BAHD1: variants seen among roughly 807,000 people sequenced by gnomAD.
BAHD1 encodes bromo adjacent homology domain-containing 1 protein.
BAHD1 carries 20 observed loss-of-function variants against 63.1 expected under a neutral mutation model. The ratio of observed to expected loss-of-function variants is 0.32; its 90% CI spans 0.22 to 0.46. BAHD1 has a LOEUF of 0.46. BAHD1 is among the 20% of genes least tolerant of loss of function. The pLI is 1.00. For synonymous variants in BAHD1, 408 were observed against 426.8 expected (o/e 0.96, Z 0.54); for missense variants, 939 against 1,071.8 (o/e 0.88, Z 1.73).
At chr15:40,437,768 G>C (rs1893304764), upstream of BAHD1, among the ~76,000 whole-genome samples, 1 of 152,216 alleles carries the variant, frequency 6.6e-6, no homozygotes, top group African/African-American at 2.4e-5. Flanking sequence ...TTGGATCTCA[G>C]GCCAGGCGGT....
At chr15:40,461,302 A>T (rs896063309) in intron 2 of BAHD1, among the ~76,000 whole-genome samples, 2 of 152,176 alleles carry the variant, frequency 1.3e-5, no homozygotes, top group Non-Finnish European at 2.9e-5. Context: ...ACCCAGGCTG[A>T]TTCTAGAACC....
intron 1 of BAHD1, among the ~76,000 whole-genome samples, chr15:40,455,057 C>G (rs1595855429): frequency 6.6e-6 from 1 of 152,202 alleles, no homozygotes; most frequent in South Asian, 2.1e-4. Context: ...TGGAGTGCAG[C>G]GAGAGGCAGG....
intron 2 of BAHD1, 114 bp downstream of exon 2, chr15:40,460,010 AGGTAGGG>A: frequency 7.6e-7 from 1 of 1,316,538 alleles, no homozygotes; most frequent in Non-Finnish European, 1.0e-6. Flanking sequence ...GCTAACTGGA[AGGTAGGG>A]GGCTTTCAGA....
chr15:40,437,999 G>A (rs1252439246), upstream of BAHD1, among the ~76,000 whole-genome samples: 1 of 152,244 alleles, frequency 6.6e-6, no homozygotes, highest in African/African-American at 2.4e-5. Context: ...GAGAGCCCCT[G>A]CCTGGCAGCA....
intron 2 of BAHD1, among the ~76,000 whole-genome samples, chr15:40,460,616 G>A (rs1894011661): frequency 6.6e-6 from 1 of 152,150 alleles, no homozygotes; most frequent in Admixed American, 6.5e-5. Context: ...CGGCTGTTGA[G>A]ACACTCCCAG....
chr15:40,438,558 C>T (rs889116956), upstream of BAHD1, among the ~76,000 whole-genome samples: 2 of 152,124 alleles, frequency 1.3e-5, no homozygotes, highest in African/African-American at 4.8e-5. Flanking sequence ...ACTCCTCCAG[C>T]GGCCAGGCAG....
At chr15:40,463,764 T>C (rs2141548728) in intron 3 of BAHD1, 97 bp from the exon 4 acceptor site, 1 of 1,377,154 alleles carries the variant, frequency 7.3e-7, no homozygotes, top group South Asian at 1.4e-5. Context: ...GGTTTGACTA[T>C]CTTGAGGAAA....
Position 40,459,195 on chromosome 15 carries a change from C to A in BAHD1, c.731C>A (p.Ala244Asp). The A allele has an allele frequency of 6.2e-7, 1 of 1,612,036 alleles. No individual in the cohort carries two copies. Among genetic ancestry groups the A allele is most frequent in the South Asian group, 1.1e-5 (1 of 90,956 alleles). Residue 244 changes from alanine to aspartate, a missense_variant, in exon 2 of 7, where the codon GCC becomes GAC. By Grantham distance (126) the Ala-to-Asp change is moderately radical. Transcript: ENST00000416165. ...TCCACTGAGCCCCCAGCACCCAAGG[C>A]CCCGAGGCCAAAGTGGCCCAAGGTC... ...GRSTEPPAPK[A>D]PRPKWPKVNG...
chr15:40,446,282 G>A (rs566014078), intron 1 of BAHD1, among the ~76,000 whole-genome samples: 5 of 152,354 alleles, frequency 3.3e-5, no homozygotes, highest in African/African-American at 9.6e-5. Context: ...GAGGCTGCAC[G>A]TGGTCTGCTC....
In BAHD1 at chr15:40,464,036, G is replaced by A. The variant is rs756793845; in HGVS notation, c.1975+16G>A. On this transcript the variant is annotated intron_variant, in intron 4 of 6. Coordinates refer to ENST00000416165, the MANE Select transcript of BAHD1 (RefSeq NM_014952.5). The stretch of plus-strand genomic sequence containing the variant: ...CCCGAGTCAGGTACCTCTCCCTCTG[G>A]CTGGGGACCCAAGGGGCAGCTGCCT... 3 of 1,613,128 alleles carry A rather than the reference G, an allele frequency of 1.9e-6. No individual in the cohort carries two copies. Among genetic ancestry groups the A allele is most frequent in the Non-Finnish European group, 2.5e-6 (3 of 1,179,516 alleles).
Position 40,466,171 on chromosome 15 carries a change from G to T in BAHD1, c.*41G>T. The T allele has an allele frequency of 6.3e-7, 1 of 1,590,998 alleles. No individual in the cohort carries two copies. The highest frequency in any genetic ancestry group is 1.7e-5 in the Admixed American group (1 of 58,296). On this transcript the variant is annotated 3_prime_UTR_variant, in exon 7 of 7. Coordinates refer to ENST00000416165, the MANE Select transcript of BAHD1 (RefSeq NM_014952.5). The stretch of plus-strand genomic sequence containing the variant: ...GCTGGGGCTACCCATGGGCAAGTGG[G>T]GCTCGGGGTAGGGGGCACTGCTTGA...
Position 40,461,940 on chromosome 15 carries a change from A to C in BAHD1, c.1461A>C (p.Glu487Asp), listed in dbSNP as rs1423381814. The C allele has an allele frequency of 6.2e-7, 1 of 1,606,650 alleles. No individual in the cohort carries two copies. Among genetic ancestry groups the C allele is most frequent in the Non-Finnish European group, 8.5e-7 (1 of 1,174,998 alleles). ...GCTGCAGATCCCTGGGCCAGTTGGA[A>C]TTTCCTCTCCCGGAAGCTGGCCACC... is the stretch of plus-strand genomic sequence containing the variant. ...AEGCRSLGQLEFPLPEAGHPA... is the reference protein window; with the variant it reads ...AEGCRSLGQLDFPLPEAGHPA... Residue 487 changes from glutamate to aspartate, a missense_variant, in exon 3 of 7, where the codon GAA becomes GAC. This residue lies in a region of BAHD1 where 797 missense variants were observed against 813.3 expected (regional missense o/e 0.98). Transcript: ENST00000416165.
At chr15:40,461,866 G>A (rs753724155) in intron 2 of BAHD1, 46 bp from the exon 3 acceptor site, 2 of 1,526,416 alleles carry the variant, frequency 1.3e-6, no homozygotes, top group African/African-American at 2.8e-5. Flanking sequence ...GATGGGTGAT[G>A]GGGGTCACTG....
At chr15:40,453,844 G>C (rs991132378) in intron 1 of BAHD1, 5 of 142,874 alleles carry the variant, frequency 3.5e-5, no homozygotes, top group African/African-American at 1.3e-4. Context: ...ATGGTGTCAC[G>C]CGCTTATAGT....
intron 1 of BAHD1, among the ~76,000 whole-genome samples, chr15:40,451,145 C>CAAAAAAAAA (rs397827665): frequency 3.3e-5 from 1 of 30,598 alleles, no homozygotes; most frequent in Non-Finnish European, 8.5e-5. Flanking sequence ...AACTCCATCT[C>CAAAAAAAAA]AAAAAAAAAA....
At chr15:40,456,835 A>C (rs1489570436) in intron 1 of BAHD1, among the ~76,000 whole-genome samples, 1 of 152,204 alleles carries the variant, frequency 6.6e-6, no homozygotes, top group East Asian at 1.9e-4. Context: ...TTGCAGGAGT[A>C]CCTGGTGAGG....
At chr15:40,460,198 A>T (rs1893997808) in intron 2 of BAHD1, among the ~76,000 whole-genome samples, 1 of 152,118 alleles carries the variant, frequency 6.6e-6, no homozygotes, top group Non-Finnish European at 1.5e-5. Context: ...TTCTCTCCTC[A>T]TTGGGATACC....
upstream of BAHD1, among the ~76,000 whole-genome samples, chr15:40,439,532 C>T (rs1038140996): frequency 1.3e-5 from 2 of 152,236 alleles, no homozygotes; most frequent in African/African-American, 2.4e-5. Flanking sequence ...CCTTGCTTGC[C>T]TGGGCAGCCT....
At position 40,458,869 on chromosome 15, in the gene BAHD1, G is replaced by A. The variant is rs1893931252; in HGVS notation, c.405G>A (p.Glu135=). ...EALNNLLLER[E]DTSSLAGTRR... ...TCAATAACCTGCTGCTGGAGCGAGA[G>A]GACACCAGCAGCCTGGCAGGCACCC... The change falls in exon 2 of 7, where the codon GAG becomes GAA. Residue 135 remains glutamate (E), a synonymous_variant. Transcript: ENST00000416165. The surrounding 1 kb of genome is among the most constrained non-coding windows in gnomAD (Gnocchi z 4.7). 2 of 1,602,902 alleles carry A rather than the reference G, an allele frequency of 1.2e-6. No homozygotes were observed. Among genetic ancestry groups the A allele is most frequent in the African/African-American group, 2.7e-5 (2 of 74,856 alleles).
Sources: gnomAD v4.1 joint callset for allele counts (sites outside exome capture counted in the v4.1 genomes callset) on GRCh38, gnomAD v4.1.1 for gene constraint, gnomAD v4.1.1 regional missense constraint, Gnocchi (gnomAD v3.1) non-coding constraint, MANE v1.5 for transcripts, NCBI Gene and HGNC (gene_info 2026-07-23, HGNC 2026-07-21) for gene names.